Variants in NSUN6 observed in about 807,000 individuals in gnomAD.
The protein encoded by NSUN6 is tRNA (cytosine(72)-C(5))-methyltransferase NSUN6.
Under a neutral mutation model 58.0 loss-of-function variants are expected in NSUN6, and 64 were observed. That is an observed-to-expected ratio of 1.10 (90% CI 0.90 to 1.36). The LOEUF (loss-of-function observed/expected upper bound fraction) is 1.36. Among genes scored for constraint, NSUN6 ranks in the 40% most tolerant of loss-of-function variants. The pLI, the probability that NSUN6 is intolerant of heterozygous loss-of-function variation, is 0.00. For missense variants in NSUN6, 701 were observed against 550.1 expected (o/e 1.27, Z -2.74); for synonymous variants, 231 against 193.9 (o/e 1.19, Z -1.59).
At chr10:18,551,408 A>G (rs2054597849) in intron 9 of NSUN6, among the ~76,000 whole-genome samples, 1 of 149,586 alleles carries the variant, frequency 6.7e-6, no homozygotes, top group Non-Finnish European at 1.5e-5. Flanking sequence ...GAACTTTTTC[A>G]TTATCCCAAA....
At chr10:18,578,427 G>A (rs958914796) in intron 8 of NSUN6, among the ~76,000 whole-genome samples, 3 of 151,920 alleles carry the variant, frequency 2.0e-5, no homozygotes, top group Admixed American at 6.6e-5. Context: ...AGAGATGGGG[G>A]TTTCACCATG....
chr10:18,639,755 T>A (rs1164521302), intron 3 of NSUN6, among the ~76,000 whole-genome samples: 1 of 152,188 alleles, frequency 6.6e-6, no homozygotes, highest in Non-Finnish European at 1.5e-5. Context: ...TAATTAAAGT[T>A]AAATCATCCA....
intron 6 of NSUN6, among the ~76,000 whole-genome samples, chr10:18,597,106 C>T (rs2057619812): frequency 1.3e-5 from 2 of 152,146 alleles, no homozygotes; most frequent in Non-Finnish European, 2.9e-5. Flanking sequence ...CTGTTTCTGA[C>T]TGGGACCTAA....
intron 6 of NSUN6, among the ~76,000 whole-genome samples, chr10:18,597,424 C>T (rs1340590317): frequency 6.6e-6 from 1 of 152,170 alleles, no homozygotes; most frequent in East Asian, 1.9e-4. Context: ...TTAAAGGTTT[C>T]AATTCATTCC....
Position 18,614,574 on chromosome 10 carries a change from A to G in NSUN6, c.461T>C (p.Ile154Thr), listed in dbSNP as rs1355752294. Residue 154 changes from isoleucine (I) to threonine (T), a missense_variant, in exon 5 of 11, where the codon ATT becomes ACT. Physicochemically the swap from Ile to Thr is moderately conservative, Grantham distance 89 (BLOSUM62 -1). Transcript: ENST00000377304. ...AGDVISVYSD[I>T]KGKCKKGAKE... is the part of the protein sequence containing the mutation. Reference sequence around the variant, plus strand: ...GGCTCCTTTCTTACATTTTCCTTTAATATCAGAGTATACAGAAATAACATC... The same window carrying G: ...GGCTCCTTTCTTACATTTTCCTTTAGTATCAGAGTATACAGAAATAACATC... The G allele has an allele frequency of 6.7e-7, 1 of 1,495,112 alleles. No individual in the cohort carries two copies. The highest frequency in any genetic ancestry group is 2.4e-5 in the East Asian group (1 of 41,982). 92.6% of individuals were successfully genotyped at this position (1,495,112 alleles called of 1,614,324 possible).
Position 18,558,697 on chromosome 10 carries a change from G to A in NSUN6, c.923-6726C>T, listed in dbSNP as rs561154549. ...ATGGAAAAGAATGGAATGGAATGGC[G>A]GAAGGAATGGAATTGAAAGTGGAAT... On this transcript the variant is annotated intron_variant, in intron 8 of 10. Coordinates refer to ENST00000377304, the MANE Select transcript of NSUN6 (RefSeq NM_182543.5). 8.9e-5 allele frequency among the ~76,000 whole-genome samples: 13 copies of A among 145,742 alleles called. 1 individual carries two copies. The East Asian group carries it at 1.3e-3, about 15-fold the overall frequency.
intron 8 of NSUN6, among the ~76,000 whole-genome samples, chr10:18,581,590 G>A (rs994087177): frequency 6.6e-6 from 1 of 152,140 alleles, no homozygotes; most frequent in Admixed American, 6.5e-5. Flanking sequence ...ACTTTGGGAG[G>A]CCGAGGTGGG....
At chr10:18,558,321 CAGAATGGAAT>C (rs1339723077) in intron 8 of NSUN6, among the ~76,000 whole-genome samples, 1 of 127,206 alleles carries the variant, frequency 7.9e-6, no homozygotes, top group Admixed American at 8.0e-5. Context: ...GAATGGAGAA[CAGAATGGAAT>C]GGAATGAGGA....
chr10:18,580,825 T>TG (rs2056872289), intron 8 of NSUN6, among the ~76,000 whole-genome samples: 1 of 152,208 alleles, frequency 6.6e-6, no homozygotes, highest in Admixed American at 6.5e-5. Flanking sequence ...TAACTCTGTT[T>TG]GGGTCTGCAG....
At chr10:18,642,641 C>A in intron 2 of NSUN6, 86 bp from the exon 3 acceptor site, 1 of 696,660 alleles carries the variant, frequency 1.4e-6, no homozygotes, top group South Asian at 1.8e-5. Flanking sequence ...TCATCTACCA[C>A]AGCATGAAGC....
chr10:18,570,575 GTCCATTCCATTC>G (rs1310291423), intron 8 of NSUN6, among the ~76,000 whole-genome samples: 5 of 104,636 alleles, frequency 4.8e-5, no homozygotes, highest in African/African-American at 1.1e-4. Flanking sequence ...CCAATCCAGT[GTCCATTCCATTC>G]TCCATTCCAT....
intron 6 of NSUN6, among the ~76,000 whole-genome samples, chr10:18,603,507 G>A (rs1387443775): frequency 2.8e-5 from 4 of 144,070 alleles, no homozygotes; most frequent in African/African-American, 1.0e-4. Flanking sequence ...TCTCGCTCTT[G>A]TCGCCCAGGC....
intron 3 of NSUN6, among the ~76,000 whole-genome samples, chr10:18,619,476 A>G (rs1041461001): frequency 2.0e-5 from 3 of 152,198 alleles, no homozygotes; most frequent in African/African-American, 7.2e-5. Flanking sequence ...AATTTAGAAG[A>G]AAGACCACCT....
At chr10:18,616,642 T>C (rs1023744060) in intron 3 of NSUN6, among the ~76,000 whole-genome samples, 1 of 152,218 alleles carries the variant, frequency 6.6e-6, no homozygotes, top group African/African-American at 2.4e-5. Context: ...CACAAGGAAT[T>C]ACAAAAACAT....
intron 8 of NSUN6, among the ~76,000 whole-genome samples, chr10:18,571,064 T>A (rs955203671): frequency 1.0e-4 from 15 of 149,948 alleles, no homozygotes; most frequent in African/African-American, 3.2e-4. Context: ...CACTCAATTC[T>A]CCATTTCATT....
chr10:18,551,245 TGTGTGTGTG>T (rs905434512), intron 9 of NSUN6, among the ~76,000 whole-genome samples: 15 of 5,818 alleles, frequency 2.6e-3, no homozygotes, highest in Non-Finnish European at 5.4e-3. Flanking sequence ...TCCTCTCAGT[TGTGTGTGTG>T]TGTGTGTGTG....
intron 8 of NSUN6, among the ~76,000 whole-genome samples, chr10:18,576,717 G>C (rs1447321524): frequency 1.3e-5 from 2 of 152,182 alleles, no homozygotes; most frequent in Non-Finnish European, 2.9e-5. Flanking sequence ...GGGATGCAGT[G>C]AGCTTAAGAA....
At chr10:18,578,448 T>C (rs2056763981) in intron 8 of NSUN6, among the ~76,000 whole-genome samples, 1 of 152,058 alleles carries the variant, frequency 6.6e-6, no homozygotes, top group South Asian at 2.1e-4. Flanking sequence ...TTGGCCAGAC[T>C]GGTTTCAAAT....
chr10:18,559,498 G>A lies in NSUN6; in HGVS notation c.923-7527C>T, dbSNP rs111216998. Among the ~76,000 whole-genome samples, 12 of 151,406 alleles carry A rather than the reference G, an allele frequency of 7.9e-5. No individual in the cohort carries two copies. In the South Asian group the frequency reaches 2.3e-3, roughly 29 times the overall value. ...ATCGAATGGAGAATGGAATGGAATG[G>A]AATGGAGAGTAGAATGGATTGGAAT... On this transcript the variant is annotated intron_variant, in intron 8 of 10. Coordinates refer to ENST00000377304, the MANE Select transcript of NSUN6 (RefSeq NM_182543.5).
Sources: allele counts gnomAD v4.1 joint callset (sites outside exome capture counted in the v4.1 genomes callset), GRCh38; gene constraint gnomAD v4.1.1; transcripts MANE v1.5; gene names NCBI Gene and HGNC (gene_info 2026-07-23, HGNC 2026-07-21).